MARCHF1: variants seen among roughly 807,000 people sequenced by gnomAD.
The protein encoded by MARCHF1 is E3 ubiquitin-protein ligase MARCHF1.
In MARCHF1, 40 loss-of-function variants were observed where a neutral mutation model predicts 54.2. The observed-to-expected ratio is 0.74, with a 90% CI of 0.57 to 0.96. MARCHF1 has a LOEUF of 0.96. Among genes scored for constraint, MARCHF1 ranks in the 40% least tolerant of loss-of-function variants. The pLI, the probability that MARCHF1 is intolerant of heterozygous loss-of-function variation, is 0.00. For missense variants in MARCHF1, 586 were observed against 656.5 expected, an observed-to-expected ratio of 0.89 and a Z score of 1.17; for synonymous variants, 236 against 236.3, an observed-to-expected ratio of 1.00 and a Z score of 0.01.
chr4:163,765,906 A>G (rs1358003244), intron 4 of MARCHF1, among the ~76,000 whole-genome samples: 3 of 147,776 alleles, frequency 2.0e-5, no homozygotes, highest in South Asian at 4.2e-4. Context: ...ATATAATTAT[A>G]TATAATATAT....
intron 1 of MARCHF1, among the ~76,000 whole-genome samples, chr4:164,175,499 A>G (rs1057199801): frequency 2.0e-5 from 3 of 152,196 alleles, no homozygotes; most frequent in Admixed American, 2.0e-4. Context: ...CTATGTATCA[A>G]CTTGGCTAGG....
At chr4:163,998,008 ATTC>A (rs1393510447) in intron 2 of MARCHF1, among the ~76,000 whole-genome samples, 2 of 151,584 alleles carry the variant, frequency 1.3e-5, no homozygotes, top group African/African-American at 2.4e-5. Flanking sequence ...AACAAAAGAG[ATTC>A]TTAATATAGG....
intron 2 of MARCHF1, among the ~76,000 whole-genome samples, chr4:164,025,490 C>A (rs1753746697): frequency 6.6e-6 from 1 of 151,962 alleles, no homozygotes. Flanking sequence ...TGAATAATTC[C>A]TGAATGAACA....
At chr4:163,561,156 A>G (rs115521053) in intron 8 of MARCHF1, among the ~76,000 whole-genome samples, 173 of 152,262 alleles carry the variant, frequency 1.1e-3, no homozygotes, top group African/African-American at 3.8e-3. Flanking sequence ...CATGTATTTC[A>G]TTTTTGATGG....
intron 3 of MARCHF1, among the ~76,000 whole-genome samples, chr4:163,876,106 C>A (rs2111230819): frequency 6.6e-6 from 1 of 152,152 alleles, no homozygotes; most frequent in South Asian, 2.1e-4. Context: ...TCATGACAAA[C>A]CCTAGACAGT....
At chr4:164,028,298 A>G (rs1222880015) in intron 2 of MARCHF1, among the ~76,000 whole-genome samples, 1 of 152,228 alleles carries the variant, frequency 6.6e-6, no homozygotes, top group African/African-American at 2.4e-5. Context: ...GCTATTCACA[A>G]TAGCAAAGAC....
chr4:163,828,052 C>CAGAG (rs1234200500), intron 4 of MARCHF1, among the ~76,000 whole-genome samples: 22 of 108,430 alleles, frequency 2.0e-4, no homozygotes, highest in Non-Finnish European at 2.7e-4. Flanking sequence ...CACACACACA[C>CAGAG]ACAGACACAC....
chr4:163,581,519 A>G (rs1740231505), intron 8 of MARCHF1, among the ~76,000 whole-genome samples: 1 of 152,212 alleles, frequency 6.6e-6, no homozygotes, highest in Non-Finnish European at 1.5e-5. Flanking sequence ...GCTATTAATG[A>G]TAAGACATCC....
chr4:163,561,270 C>CCAT (rs1373544417), intron 8 of MARCHF1, among the ~76,000 whole-genome samples: 1 of 151,904 alleles, frequency 6.6e-6, no homozygotes, highest in Admixed American at 6.5e-5. Context: ...ATATTTTTGC[C>CCAT]CATCTCAAAG....
At chr4:164,266,345 G>C (rs1357465806) in intron 1 of MARCHF1, among the ~76,000 whole-genome samples, 1 of 152,288 alleles carries the variant, frequency 6.6e-6, no homozygotes, top group Non-Finnish European at 1.5e-5. Flanking sequence ...AGAGATATCT[G>C]ACATGAAATG....
At chr4:163,566,743 C>T (rs1739657130) in intron 8 of MARCHF1, among the ~76,000 whole-genome samples, 1 of 152,084 alleles carries the variant, frequency 6.6e-6, no homozygotes, top group Non-Finnish European at 1.5e-5. Flanking sequence ...TTAGAAGTGA[C>T]AAGTGAACAC....
At chr4:163,932,112 C>T (rs552621710) in intron 3 of MARCHF1, among the ~76,000 whole-genome samples, 15 of 96,350 alleles carry the variant, frequency 1.6e-4, no homozygotes, top group Admixed American at 9.6e-4. Flanking sequence ...AACCTTATTG[C>T]TAAAAAGAAA....
intron 5 of MARCHF1, among the ~76,000 whole-genome samples, chr4:163,679,286 G>T (rs1744018422): frequency 6.6e-6 from 1 of 152,190 alleles, no homozygotes; most frequent in Admixed American, 6.5e-5. Context: ...ACCTCTGTTT[G>T]ATTCTTTTCC....
At chr4:163,679,453 A>ATC (rs968803103) in intron 5 of MARCHF1, among the ~76,000 whole-genome samples, 35 of 152,146 alleles carry the variant, frequency 2.3e-4, no homozygotes, top group African/African-American at 8.0e-4. Flanking sequence ...TCTGAACATC[A>ATC]TCTTAGTCTT....
chr4:163,781,456 A>G (rs1747464450), intron 4 of MARCHF1, among the ~76,000 whole-genome samples: 1 of 152,180 alleles, frequency 6.6e-6, no homozygotes, highest in South Asian at 2.1e-4. Context: ...GGGAGCCTTT[A>G]GCTGATCAAT....
chr4:164,103,828 C>T (rs1755627729), intron 2 of MARCHF1, among the ~76,000 whole-genome samples: 1 of 127,888 alleles, frequency 7.8e-6, no homozygotes, highest in East Asian at 2.1e-4. Flanking sequence ...AATCCAGGAG[C>T]TGGTTTTTTG....
chr4:164,075,933 T>C (rs1437952666), intron 2 of MARCHF1, among the ~76,000 whole-genome samples: 2 of 152,180 alleles, frequency 1.3e-5, no homozygotes, highest in Non-Finnish European at 2.9e-5. Context: ...ATACAGCCAC[T>C]GACTGTCTAT....
chr4:163,847,869 C>T (rs1247091333), intron 4 of MARCHF1, among the ~76,000 whole-genome samples: 2 of 152,188 alleles, frequency 1.3e-5, no homozygotes, highest in Non-Finnish European at 2.9e-5. Flanking sequence ...GCATGAGCCA[C>T]TGCACCCGGC....
intron 1 of MARCHF1, among the ~76,000 whole-genome samples, chr4:164,302,768 C>T (rs569331173): frequency 1.1e-4 from 17 of 149,566 alleles, no homozygotes; most frequent in African/African-American, 3.9e-4. Flanking sequence ...ACTCGGGAGG[C>T]TGAGGCATGA....
Sources: allele counts gnomAD v4.1 joint callset (sites outside exome capture counted in the v4.1 genomes callset), GRCh38; gene constraint gnomAD v4.1.1; transcripts MANE v1.5; gene names NCBI Gene and HGNC (gene_info 2026-07-23, HGNC 2026-07-21).